CRHR1: variants seen among roughly 807,000 people sequenced by gnomAD.
The protein encoded by CRHR1 is corticotropin releasing hormone receptor 1.
Under a neutral mutation model 56.0 loss-of-function variants are expected in CRHR1, and 28 were observed. The ratio of observed to expected loss-of-function variants is 0.50; its 90% confidence interval spans 0.37 to 0.69. CRHR1 has a LOEUF of 0.69. Among genes scored for constraint, CRHR1 ranks in the 30% least tolerant of loss-of-function variants. CRHR1 has a pLI of 0.00. For missense variants in CRHR1, 376 were observed against 548.0 expected (o/e 0.69, Z 3.13); for synonymous variants, 195 against 216.5 (o/e 0.90, Z 0.87).
chr17:45,832,253 A>G (rs2062330057), intron 8 of CRHR1, among the ~76,000 whole-genome samples: 1 of 152,126 alleles, frequency 6.6e-6, no homozygotes, highest in African/African-American at 2.4e-5. Flanking sequence ...AAAGCAAAAC[A>G]AAAACTGTTT....
intron 1 of CRHR1, among the ~76,000 whole-genome samples, chr17:45,786,945 C>T (rs1044917732): frequency 1.3e-5 from 2 of 152,088 alleles, no homozygotes; most frequent in African/African-American, 4.8e-5. Context: ...CCGGCCATTA[C>T]CAGAAAATAT....
At chr17:45,802,491 A>T (rs535190778) in intron 1 of CRHR1, among the ~76,000 whole-genome samples, 176 of 152,270 alleles carry the variant, frequency 1.2e-3, no homozygotes, top group Non-Finnish European at 1.9e-3. Context: ...AGATCAGCGG[A>T]TGGTGGGAGG....
intron 4 of CRHR1, among the ~76,000 whole-genome samples, chr17:45,827,440 T>G (rs2062189367): frequency 6.6e-6 from 1 of 152,208 alleles, no homozygotes; most frequent in Admixed American, 6.5e-5. Flanking sequence ...TAAAAGGATA[T>G]TAAATACCAG....
intron 1 of CRHR1, among the ~76,000 whole-genome samples, chr17:45,803,779 T>TGTGTGTGTGC (rs1371508322): frequency 3.0e-4 from 46 of 151,960 alleles, no homozygotes; most frequent in South Asian, 2.9e-3. Context: ...TGTGTGTGCG[T>TGTGTGTGTGC]GCGCGTGCGC....
chr17:45,793,030 C>T (rs1213857383), intron 1 of CRHR1, among the ~76,000 whole-genome samples: 2 of 152,232 alleles, frequency 1.3e-5, no homozygotes, highest in Non-Finnish European at 2.9e-5. Context: ...AGGGTCTCTC[C>T]CTGCTCCCAC....
chr17:45,797,105 A>G (rs755335361), intron 1 of CRHR1, among the ~76,000 whole-genome samples: 43 of 152,130 alleles, frequency 2.8e-4, no homozygotes, highest in Non-Finnish European at 5.4e-4. Flanking sequence ...CTTCTGGGAA[A>G]GAGTGGAGCT....
intron 9 of CRHR1, 119 bp from the exon 10 acceptor site, chr17:45,833,333 G>A (rs1197034081): frequency 1.4e-6 from 2 of 1,439,364 alleles, no homozygotes; most frequent in Non-Finnish European, 2.0e-6. Flanking sequence ...GCATGGGTCA[G>A]AGATGTGCAG....
At chr17:45,786,305 C>T (rs1204571388) in intron 1 of CRHR1, among the ~76,000 whole-genome samples, 1 of 151,984 alleles carries the variant, frequency 6.6e-6, no homozygotes, top group African/African-American at 2.4e-5. Context: ...CTAATAAACT[C>T]AGTAGGCATT....
intron 1 of CRHR1, among the ~76,000 whole-genome samples, chr17:45,794,587 G>A (rs1451901859): frequency 6.6e-6 from 1 of 152,224 alleles, no homozygotes; most frequent in Non-Finnish European, 1.5e-5. Context: ...CCAGGAGGAG[G>A]AAACTCTTTG....
At chr17:45,789,956 T>A (rs1598393764) in intron 1 of CRHR1, among the ~76,000 whole-genome samples, 2 of 152,258 alleles carry the variant, frequency 1.3e-5, no homozygotes, top group East Asian at 1.9e-4. Flanking sequence ...ACACAGTAAG[T>A]GCATAATAAA....
intron 2 of CRHR1, among the ~76,000 whole-genome samples, chr17:45,807,496 G>A (rs1297464094): frequency 6.6e-6 from 1 of 152,240 alleles, no homozygotes; most frequent in African/African-American, 2.4e-5. Context: ...TGCCCAGAGT[G>A]TAATACTCCA....
chr17:45,827,270 C>T (rs915872230), intron 4 of CRHR1: 4 of 152,334 alleles, frequency 2.6e-5, no homozygotes, highest in Non-Finnish European at 5.9e-5. Flanking sequence ...GGGAGTGAGG[C>T]AGGGGCCCTG....
At chr17:45,807,331 C>T (rs1032227634) in intron 2 of CRHR1, among the ~76,000 whole-genome samples, 9 of 152,142 alleles carry the variant, frequency 5.9e-5, no homozygotes, top group Admixed American at 5.2e-4. Context: ...TAGCACCTGC[C>T]GTGGGCACAG....
rs1336957268 is a variant in CRHR1, at chr17:45,835,118, A to G, written c.*354A>G. On this transcript the variant is annotated 3_prime_UTR_variant, in exon 13 of 13. Coordinates refer to ENST00000314537, the MANE Select transcript of CRHR1 (RefSeq NM_004382.5). ...TCCCAGAGCACAAGAAGGCCAGCCC[A>G]CTGGGCCCTGGGGCTGCCCTCGGCA... The G allele has an allele frequency of 3.6e-6, 1 of 277,196 alleles. No individual in the cohort carries two copies. The highest frequency in any genetic ancestry group is 6.8e-6 in the Non-Finnish European group (1 of 147,882). 17.2% of individuals were successfully genotyped at this position (277,196 alleles called of 1,614,324 possible).
Position 45,784,562 on chromosome 17 carries a change from G to A in CRHR1, c.18G>A (p.Gln6=). 6.4e-7 allele frequency: 1 copy of A among 1,554,678 alleles called. No individual in the cohort carries two copies. The highest frequency in any genetic ancestry group is 8.7e-7 in the Non-Finnish European group (1 of 1,150,492). MGGHP[Q]LRLVKALLLL... Reference sequence around the variant, plus strand: ...GCCCGAGGATGGGAGGGCACCCGCAGCTCCGTCTCGTCAAGGTAACAGCCC... The same window carrying A: ...GCCCGAGGATGGGAGGGCACCCGCAACTCCGTCTCGTCAAGGTAACAGCCC... The change falls in exon 1 of 13, where the codon CAG becomes CAA. Residue 6 remains glutamine, a synonymous_variant. Transcript: ENST00000314537. This position sits in a 1 kb window ranked among gnomAD's most constrained non-coding sequence, Gnocchi z 4.2.
intron 2 of CRHR1, among the ~76,000 whole-genome samples, chr17:45,813,963 C>T (rs2061875448): frequency 1.3e-5 from 2 of 152,376 alleles, no homozygotes; most frequent in South Asian, 2.1e-4. Flanking sequence ...GGTGCAGGTC[C>T]TCTAGGCCAG....
chr17:45,834,303 C>G (rs1270110721), intron 12 of CRHR1, among the ~76,000 whole-genome samples: 1 of 152,200 alleles, frequency 6.6e-6, no homozygotes, highest in Non-Finnish European at 1.5e-5. Context: ...TTTGATGAGC[C>G]TGTGAAAACC....
At chr17:45,786,030 C>T (rs375244240) in intron 1 of CRHR1, among the ~76,000 whole-genome samples, 1 of 152,026 alleles carries the variant, frequency 6.6e-6, no homozygotes, top group Non-Finnish European at 1.5e-5. Context: ...CCAAAAGGCT[C>T]GCGTGTACCG....
chr17:45,786,516 GAC>G (rs2061338997), intron 1 of CRHR1, among the ~76,000 whole-genome samples: 1 of 152,032 alleles, frequency 6.6e-6, no homozygotes, highest in Non-Finnish European at 1.5e-5. Context: ...TTATTCCTGA[GAC>G]ACAGAGAGGC....
Sources: allele counts gnomAD v4.1 joint callset (sites outside exome capture counted in the v4.1 genomes callset), GRCh38; gene constraint gnomAD v4.1.1; non-coding constraint Gnocchi (gnomAD v3.1); transcripts MANE v1.5; gene names NCBI Gene and HGNC (gene_info 2026-07-23, HGNC 2026-07-21).